Variants in PLAGL1 observed in about 807,000 individuals in gnomAD.
PLAGL1 encodes the protein PLAG1 like zinc finger 1.
Under a neutral mutation model 4.6 loss-of-function variants are expected in PLAGL1, and 1 was observed. The observed-to-expected ratio is 0.22, with a 90% CI of 0.08 to 1.03. PLAGL1 has a LOEUF of 1.03. Ranked by LOEUF, PLAGL1 falls within the 50% of genes least tolerant of loss-of-function variation. The pLI, the probability that PLAGL1 is intolerant of heterozygous loss-of-function variation, is 0.58. For missense variants in PLAGL1, 464 were observed against 570.4 expected (o/e 0.81, Z 1.90); for synonymous variants, 240 against 237.8 (o/e 1.01, Z -0.08).
Position 144,055,097 on chromosome 6 carries a change from T to C in PLAGL1, c.-151+9371A>G, listed in dbSNP as rs188350043. On this transcript the variant is annotated intron_variant, in intron 1 of 3. Transcript: ENST00000437412. The surrounding 1 kb of genome is among the most constrained non-coding windows in gnomAD (Gnocchi z 5.0). ...AAGCTCAAAAAAATAGAACTTTCTATTGAAAAACACCCTTTACATATAGTA... is the reference window on the plus strand; with the variant it reads ...AAGCTCAAAAAAATAGAACTTTCTACTGAAAAACACCCTTTACATATAGTA... 1.3e-5 allele frequency among the ~76,000 whole-genome samples: 2 copies of C among 152,208 alleles called. No individual in the cohort carries two copies. The highest frequency in any genetic ancestry group is 2.9e-5 in the Non-Finnish European group (2 of 68,016).
At chr6:144,032,105 C>T (rs1796876444) in intron 1 of PLAGL1, among the ~76,000 whole-genome samples, 1 of 150,782 alleles carries the variant, frequency 6.6e-6, no homozygotes, top group Non-Finnish European at 1.5e-5. Context: ...TCAAGTTTCT[C>T]CCTATAACTT....
At chr6:144,058,100 T>G (rs1799122563) in intron 1 of PLAGL1, among the ~76,000 whole-genome samples, 1 of 152,196 alleles carries the variant, frequency 6.6e-6, no homozygotes, top group South Asian at 2.1e-4. Flanking sequence ...GAGGTTTAAT[T>G]GGCTTATGTT....
intron 1 of PLAGL1, among the ~76,000 whole-genome samples, chr6:143,998,988 G>T (rs1435598385): frequency 6.6e-6 from 1 of 152,130 alleles, no homozygotes; most frequent in East Asian, 1.9e-4. Context: ...TAAGTATTGG[G>T]ATGCCACTAA....
At chr6:144,026,807 G>A (rs1324206704) in intron 1 of PLAGL1, among the ~76,000 whole-genome samples, 1 of 152,196 alleles carries the variant, frequency 6.6e-6, no homozygotes, top group East Asian at 1.9e-4. Flanking sequence ...TGGCAAAGCA[G>A]ATAGGAACAT....
In PLAGL1 at chr6:143,954,351, GAGAACAGAGGTC is replaced by G. The variant is rs1781676990; in HGVS notation, c.-324-5903_-324-5892del. On this transcript the variant is annotated intron_variant, in intron 6 of 7. Transcript: ENST00000674357. This position sits in a 1 kb window ranked among gnomAD's most constrained non-coding sequence, Gnocchi z 5.1. Reference sequence around the variant, plus strand: ...AAATAATAATCATTAATATCCTAGAGAGAACAGAGGTCCTTAAAAGAAGAGCAGGATATTATT... The same window carrying G: ...AAATAATAATCATTAATATCCTAGAGCTTAAAAGAAGAGCAGGATATTATT... Among the ~76,000 whole-genome samples the G allele has an allele frequency of 1.3e-5, 2 of 152,184 alleles. No individual in the cohort carries two copies. The highest frequency in any genetic ancestry group is 2.9e-5 in the Non-Finnish European group (2 of 68,040).
chr6:144,035,904 T>A (rs1797198300), intron 1 of PLAGL1, among the ~76,000 whole-genome samples: 1 of 152,130 alleles, frequency 6.6e-6, no homozygotes, highest in Non-Finnish European at 1.5e-5. Context: ...GGTAGCCACC[T>A]GGTGGGGCAA....
rs1214466288 is a variant in PLAGL1 at position 143,942,882 on chromosome 6, T to C, written c.153-219A>G. Among the ~76,000 whole-genome samples, 1 of 151,900 alleles carries C rather than the reference T, an allele frequency of 6.6e-6. No homozygotes were observed. The highest frequency in any genetic ancestry group is 1.5e-5 in the Non-Finnish European group (1 of 68,036). On this transcript the variant is annotated intron_variant, in intron 7 of 7. Transcript: ENST00000674357. This position sits in a 1 kb window ranked among gnomAD's most constrained non-coding sequence, Gnocchi z 7.6. ...ATTTTTCACACCTATAAAACGTTTT[T>C]TGAGACAGGATCTGACTCTTTTGCC... is the stretch of plus-strand genomic sequence containing the variant.
intron 2 of PLAGL1, among the ~76,000 whole-genome samples, chr6:143,977,100 CTT>C (rs1426758320): frequency 3.6e-5 from 5 of 137,796 alleles, no homozygotes; most frequent in African/African-American, 1.3e-4. Flanking sequence ...CCCCAACACA[CTT>C]AGCCTTCTCC....
At chr6:144,044,705 C>A (rs1797991991) in intron 1 of PLAGL1, among the ~76,000 whole-genome samples, 1 of 152,216 alleles carries the variant, frequency 6.6e-6, no homozygotes, top group African/African-American at 2.4e-5. Flanking sequence ...TGGTGCAGAG[C>A]TGAGTCCAAG....
rs558280486 is a variant in PLAGL1, at chr6:144,056,126, T to A, written c.-151+8342A>T. Among the ~76,000 whole-genome samples the A allele has an allele frequency of 2.0e-5, 3 of 149,936 alleles. No homozygotes were observed. Among genetic ancestry groups the A allele is most frequent in the African/African-American group, 4.9e-5 (2 of 40,716 alleles). ...GAAATCTAGACCTCCAAGGGATCAGTTTGAGAACCGCTGCTTTATATCTTT... is the reference window on the plus strand; with the variant it reads ...GAAATCTAGACCTCCAAGGGATCAGATTGAGAACCGCTGCTTTATATCTTT... On this transcript the variant is annotated intron_variant, in intron 1 of 3. Coordinates refer to the PLAGL1 transcript ENST00000437412. This position sits in a 1 kb window ranked among gnomAD's most constrained non-coding sequence, Gnocchi z 4.7.
At position 144,006,001 on chromosome 6, in the gene PLAGL1, C is replaced by T. The variant is rs1425089619; in HGVS notation, c.-584+2089G>A. 6.6e-6 allele frequency: 1 copy of T among 151,940 alleles called. No individual in the cohort carries two copies. Among genetic ancestry groups the T allele is most frequent in the Non-Finnish European group, 1.5e-5 (1 of 67,986 alleles). The allele number at this position is 151,940 out of a possible 1,614,324, so 9.4% of individuals were successfully genotyped here. On this transcript the variant is annotated intron_variant, in intron 1 of 7. Coordinates refer to ENST00000674357, the MANE Select transcript of PLAGL1 (RefSeq NM_001317162.2). The surrounding 1 kb of genome is among the most constrained non-coding windows in gnomAD (Gnocchi z 4.3). Reference sequence around the variant, plus strand: ...AGCTAAAATTACTATATAAAATATTCCAGTTGTGTACAAAACATGTAAATG... The same window carrying T: ...AGCTAAAATTACTATATAAAATATTTCAGTTGTGTACAAAACATGTAAATG...
intron 1 of PLAGL1, among the ~76,000 whole-genome samples, chr6:143,996,269 C>G (rs541544076): frequency 6.6e-6 from 1 of 152,266 alleles, no homozygotes; most frequent in Non-Finnish European, 1.5e-5. Flanking sequence ...TATCACAGAG[C>G]TGCGATGTCT....
rs185353616 is a variant in PLAGL1 at position 144,002,457 on chromosome 6, T to C, written c.-584+5633A>G. ...AGGCAAGAAAAGGCGAAAAAGAGAATAGAATTGTAAAGGCATATTTAAACC... is the reference window on the plus strand; with the variant it reads ...AGGCAAGAAAAGGCGAAAAAGAGAACAGAATTGTAAAGGCATATTTAAACC... On this transcript the variant is annotated intron_variant, in intron 1 of 7. Coordinates refer to ENST00000674357, the MANE Select transcript of PLAGL1 (RefSeq NM_001317162.2). Among the ~76,000 whole-genome samples, 6 of 152,218 alleles carry C rather than the reference T, an allele frequency of 3.9e-5. No homozygotes were observed. The East Asian group carries it at 7.7e-4, about 20-fold the overall frequency.
rs1173693474 is a variant in PLAGL1, at chr6:143,947,972, C to T, written c.152+13G>A. ...TACTTCTAAAAGTGCATACCTTTGC[C>T]AAAGCCTCTCACCTCATCAATTTAT... On this transcript the variant is annotated intron_variant, in intron 7 of 7. Transcript: ENST00000674357. The surrounding 1 kb of genome is among the most constrained non-coding windows in gnomAD (Gnocchi z 4.3). The T allele has an allele frequency of 6.2e-7, 1 of 1,610,928 alleles. No individual in the cohort carries two copies. Among genetic ancestry groups the T allele is most frequent in the Non-Finnish European group, 8.5e-7 (1 of 1,177,470 alleles).
At chr6:144,002,068 A>C (rs980940114) in intron 1 of PLAGL1, among the ~76,000 whole-genome samples, 1 of 152,200 alleles carries the variant, frequency 6.6e-6, no homozygotes, top group Non-Finnish European at 1.5e-5. Context: ...CTATTGTGCC[A>C]ATGTTAATTT....
intron 2 of PLAGL1, among the ~76,000 whole-genome samples, chr6:143,977,504 G>T (rs1583362437): frequency 8.6e-6 from 1 of 115,812 alleles, no homozygotes; most frequent in Non-Finnish European, 1.7e-5. Flanking sequence ...GATGGAGTCT[G>T]GCTCAATCGC....
At chr6:144,040,577 T>C (rs79676536) in intron 1 of PLAGL1, among the ~76,000 whole-genome samples, 87 of 150,414 alleles carry the variant, frequency 5.8e-4, no homozygotes, top group African/African-American at 1.9e-3. Flanking sequence ...TAAAAAAAAA[T>C]AAAAGCTACT....
Position 143,959,451 on chromosome 6 carries a change from TA to T in PLAGL1, c.-325+1017del. Among the ~76,000 whole-genome samples the T allele has an allele frequency of 6.8e-6, 1 of 146,480 alleles. No homozygotes were observed. The highest frequency in any genetic ancestry group is 2.4e-4 in the South Asian group (1 of 4,210). ...CCCACCCCACCCCAACTCCCAGCCC[TA>T]ACTAGAACTGCTAGGTCCTAGTAGA... On this transcript the variant is annotated intron_variant, in intron 6 of 7. Transcript: ENST00000674357. The surrounding 1 kb of genome is among the most constrained non-coding windows in gnomAD (Gnocchi z 5.3).
In PLAGL1 at chr6:144,061,962, C is replaced by T. The variant is rs1204370155; in HGVS notation, c.-151+2506G>A. Reference sequence around the variant, plus strand: ...TTATATTTACTATGAATGTAGGACCCATTTTGAGCTTTTTCTTTTTTGTTT... The same window carrying T: ...TTATATTTACTATGAATGTAGGACCTATTTTGAGCTTTTTCTTTTTTGTTT... On this transcript the variant is annotated intron_variant, in intron 1 of 3. Coordinates refer to the PLAGL1 transcript ENST00000437412. This position sits in a 1 kb window ranked among gnomAD's most constrained non-coding sequence, Gnocchi z 4.4. Among the ~76,000 whole-genome samples the T allele has an allele frequency of 6.6e-6, 1 of 152,200 alleles. No homozygotes were observed. Among genetic ancestry groups the T allele is most frequent in the African/African-American group, 2.4e-5 (1 of 41,448 alleles).
Sources: allele counts gnomAD v4.1 joint callset (sites outside exome capture counted in the v4.1 genomes callset), GRCh38; gene constraint gnomAD v4.1.1; non-coding constraint Gnocchi (gnomAD v3.1); transcripts MANE v1.5; gene names NCBI Gene and HGNC (gene_info 2026-07-23, HGNC 2026-07-21).